ARHGAP39: variants seen among roughly 807,000 people sequenced by gnomAD.
The protein encoded by ARHGAP39 is Rho GTPase activating protein 39.
In ARHGAP39, 44 loss-of-function variants were observed where a neutral mutation model predicts 106.9. That is an observed-to-expected ratio of 0.41 (90% CI 0.32 to 0.53). The LOEUF is 0.53. ARHGAP39 is among the 20% of genes least tolerant of loss of function. The pLI is 0.21. For synonymous variants in ARHGAP39, 768 were observed against 693.2 expected (o/e 1.11, Z -1.69); for missense variants, 1,496 against 1,577.3 (o/e 0.95, Z 0.87).
chr8:144,571,211 G>A (rs951741784), intron 3 of ARHGAP39, among the ~76,000 whole-genome samples: 5 of 152,154 alleles, frequency 3.3e-5, no homozygotes, highest in African/African-American at 1.2e-4. Context: ...TATCCCTGGT[G>A]AACATCGATG....
In ARHGAP39 at chr8:144,605,575, C is replaced by A; in HGVS notation, c.40G>T (p.Val14Phe). ...GGAATCCTCGACTCCGGCAGGTCGA[C>A]ATTATGGCTCCTGCACTCGTAGTCC... Reference protein sequence around the residue: ...TQDYECRSHNVDLPESRIPGS... With the variant: ...TQDYECRSHNFDLPESRIPGS... Residue 14 changes from valine to phenylalanine, a missense_variant, in exon 2 of 12, where the codon GTC becomes TTC. Around this residue, in one of 4 missense-constraint regions of ARHGAP39, gnomAD observed 96 missense variants for 107.9 expected, o/e 0.89. Coordinates refer to ENST00000377307, the MANE Select transcript of ARHGAP39 (RefSeq NM_025251.3). The A allele has an allele frequency of 6.2e-7, 1 of 1,613,984 alleles. No individual in the cohort carries two copies. The highest frequency in any genetic ancestry group is 8.5e-7 in the Non-Finnish European group (1 of 1,180,046).
At position 144,545,457 on chromosome 8, in the gene ARHGAP39, G is replaced by C; in HGVS notation, c.2313C>G (p.Ala771=). ...ADPLHVALEV[A]TKGWSVQGLR... Reference sequence around the variant, plus strand: ...GGCCCTGCACGCTCCAGCCCTTGGTGGCCACCTCCAGGGCCACGTGCAGTG... The same window carrying C: ...GGCCCTGCACGCTCCAGCCCTTGGTCGCCACCTCCAGGGCCACGTGCAGTG... Residue 771 remains alanine (A), a synonymous_variant, in exon 6 of 12, where the codon GCC becomes GCG. Transcript: ENST00000377307. 1.3e-6 allele frequency: 2 copies of C among 1,594,196 alleles called. No individual in the cohort carries two copies. Among genetic ancestry groups the C allele is most frequent in the African/African-American group, 1.3e-5 (1 of 74,714 alleles).
intron 3 of ARHGAP39, among the ~76,000 whole-genome samples, chr8:144,571,639 T>C (rs1386716152): frequency 6.6e-6 from 1 of 152,058 alleles, no homozygotes; most frequent in Non-Finnish European, 1.5e-5. Flanking sequence ...GTTCTGGCCA[T>C]GGAAATCAGA....
chr8:144,602,436 TGGA>T (rs746753336), intron 2 of ARHGAP39, among the ~76,000 whole-genome samples: 5 of 132,178 alleles, frequency 3.8e-5, no homozygotes, highest in East Asian at 2.4e-4. Flanking sequence ...TGTGTGTGCA[TGGA>T]GTTGTGCGTG....
chr8:144,628,430 C>G (rs1402558877), intron 1 of ARHGAP39, among the ~76,000 whole-genome samples: 1 of 152,184 alleles, frequency 6.6e-6, no homozygotes, highest in African/African-American at 2.4e-5. Context: ...GGCAGCAGCA[C>G]AGAGGGCATT....
chr8:144,575,972 G>A (rs533407523), intron 3 of ARHGAP39, among the ~76,000 whole-genome samples: 13 of 152,134 alleles, frequency 8.5e-5, no homozygotes, highest in Non-Finnish European at 1.8e-4. Flanking sequence ...TACGTGGCAC[G>A]TGACTGTATT....
the ARHGAP39 span, chr8:144,698,944 C>G: frequency 2.2e-6 from 1 of 449,468 alleles, no homozygotes; most frequent in Non-Finnish European, 4.5e-6. Context: ...CACCATCCCA[C>G]GGCCTGCAAC....
intron 1 of ARHGAP39, among the ~76,000 whole-genome samples, chr8:144,680,554 C>T (rs564768032): frequency 4.9e-4 from 75 of 152,102 alleles, no homozygotes; most frequent in African/African-American, 1.7e-3. Context: ...TTAAGTTCCC[C>T]GAAAGCATGT....
At chr8:144,539,770 T>C (rs1038902319) in intron 6 of ARHGAP39, among the ~76,000 whole-genome samples, 1 of 152,246 alleles carries the variant, frequency 6.6e-6, no homozygotes, top group African/African-American at 2.4e-5. Context: ...ACCCACTGTC[T>C]ACCTCAAGGC....
Position 144,641,464 on chromosome 8 carries a change from C to T in ARHGAP39, c.-81-35769G>A, listed in dbSNP as rs1301721003. 7.2e-5 allele frequency among the ~76,000 whole-genome samples: 11 copies of T among 152,094 alleles called. No homozygotes were observed. The South Asian group carries it at 8.3e-4, about 12-fold the overall frequency. ...CTCACATCGAGGAGGAATGCAGTGG[C>T]GCCCAGGTGGCCAACTCCCGAGGCA... On this transcript the variant is annotated intron_variant, in intron 1 of 11. Coordinates refer to ENST00000377307, the MANE Select transcript of ARHGAP39 (RefSeq NM_025251.3). This position sits in a 1 kb window ranked among gnomAD's most constrained non-coding sequence, Gnocchi z 5.2.
chr8:144,553,611 C>A (rs901160308), intron 4 of ARHGAP39, among the ~76,000 whole-genome samples: 1 of 152,258 alleles, frequency 6.6e-6, no homozygotes, highest in Non-Finnish European at 1.5e-5. Flanking sequence ...CCAGCCTCTT[C>A]TTCCAGACAC....
At chr8:144,545,909 AC>A in intron 5 of ARHGAP39, 99 bp from the exon 6 acceptor site, 1 of 1,087,400 alleles carries the variant, frequency 9.2e-7, no homozygotes, top group Non-Finnish European at 1.3e-6. Context: ...CTGGGGCCCC[AC>A]CAGAGCCAGC....
chr8:144,546,525 C>T (rs1392875650), intron 5 of ARHGAP39, among the ~76,000 whole-genome samples: 2 of 152,308 alleles, frequency 1.3e-5, no homozygotes, highest in South Asian at 4.1e-4. Context: ...TCTGCCTCAC[C>T]CTGTGAGAAC....
At chr8:144,593,760 C>G (rs1053849314) in intron 2 of ARHGAP39, among the ~76,000 whole-genome samples, 1 of 151,930 alleles carries the variant, frequency 6.6e-6, no homozygotes, top group African/African-American at 2.4e-5. Context: ...ACTGCACTCC[C>G]GTCTGCGCAA....
At chr8:144,538,076 CAGG>C (rs752343230) in intron 6 of ARHGAP39, among the ~76,000 whole-genome samples, 7 of 152,154 alleles carry the variant, frequency 4.6e-5, no homozygotes, top group Non-Finnish European at 8.8e-5. Context: ...GCCAGGGGAG[CAGG>C]AGGAGAACAC....
intron 1 of ARHGAP39, among the ~76,000 whole-genome samples, chr8:144,612,852 CA>C (rs764477641): frequency 1.3e-5 from 2 of 151,792 alleles, no homozygotes; most frequent in Admixed American, 6.6e-5. Flanking sequence ...GATCCTGTCT[CA>C]AAAAAAAAGG....
At chr8:144,561,644 G>GCGCTCCAGTGGTTTCCATCA (rs1818167739) in intron 3 of ARHGAP39, among the ~76,000 whole-genome samples, 1 of 137,516 alleles carries the variant, frequency 7.3e-6, no homozygotes, top group African/African-American at 2.8e-5. Context: ...GGTTTCCATC[G>GCGCTCCAGTGGTTTCCATCA]CGCTCCAGTG....
intron 3 of ARHGAP39, among the ~76,000 whole-genome samples, chr8:144,559,512 T>G (rs1483302679): frequency 6.6e-6 from 1 of 152,090 alleles, no homozygotes; most frequent in Non-Finnish European, 1.5e-5. Flanking sequence ...ACACAGCAAG[T>G]AGGCTGGAGA....
At position 144,545,273 on chromosome 8, in the gene ARHGAP39, T is replaced by G; in HGVS notation, c.2497A>C (p.Met833Leu). The change falls in exon 6 of 12, where the codon ATG becomes CTG. Residue 833 changes from methionine (M) to leucine (L), a missense_variant. Physicochemically the swap from Met to Leu is conservative, Grantham distance 15. Coordinates refer to ENST00000377307, the MANE Select transcript of ARHGAP39 (RefSeq NM_025251.3). ...SYLEGYIYRH[M>L]DPVNDTKVTQ... Reference sequence around the variant, plus strand: ...CCTTTAGTGTCATTGACGGGGTCCATGTGCCGGTAGATGTAGCCTTCCAGG... The same window carrying G: ...CCTTTAGTGTCATTGACGGGGTCCAGGTGCCGGTAGATGTAGCCTTCCAGG... 1 of 1,554,582 alleles carries G rather than the reference T, an allele frequency of 6.4e-7. No individual in the cohort carries two copies. The highest frequency in any genetic ancestry group is 8.7e-7 in the Non-Finnish European group (1 of 1,144,220).
Sources: gnomAD v4.1 joint callset for allele counts (sites outside exome capture counted in the v4.1 genomes callset) on GRCh38, gnomAD v4.1.1 for gene constraint, gnomAD v4.1.1 regional missense constraint, Gnocchi (gnomAD v3.1) non-coding constraint, MANE v1.5 for transcripts, NCBI Gene and HGNC (gene_info 2026-07-23, HGNC 2026-07-21) for gene names.